The following N4BP2 variants were observed in gnomAD, a reference collection of about 807,000 sequenced individuals.
N4BP2 encodes NEDD4 binding protein 2.
In N4BP2, 91 loss-of-function variants were observed where a neutral mutation model predicts 152.8. The observed-to-expected ratio is 0.60, with a 90% CI of 0.50 to 0.71. N4BP2 has a LOEUF of 0.71. N4BP2 is among the 30% of genes least tolerant of loss of function. N4BP2 has a pLI of 0.00. For synonymous variants in N4BP2, 646 were observed against 705.3 expected (o/e 0.92, Z 1.33); for missense variants, 1,923 against 2,059.1 (o/e 0.93, Z 1.28).
chr4:40,106,422 T>C (rs1367861481), intron 4 of N4BP2, among the ~76,000 whole-genome samples: 1 of 152,232 alleles, frequency 6.6e-6, no homozygotes, highest in African/African-American at 2.4e-5. Flanking sequence ...GTTCAAGTGA[T>C]CCTCTCAACT....
At chr4:40,169,241 GCATGGTGGCACACACCTATAATCC>G in the N4BP2 span, among the ~76,000 whole-genome samples, 1 of 151,820 alleles carries the variant, frequency 6.6e-6, no homozygotes, top group Non-Finnish European at 1.5e-5. Flanking sequence ...AAAAAGCCTG[GCATGGTGGCACACACCTATAATCC>G]CAGCTACTTG....
chr4:40,154,381 A>G lies in N4BP2; in HGVS notation c.*144A>G. The G allele has an allele frequency of 3.8e-6, 2 of 522,408 alleles. No individual in the cohort carries two copies. The highest frequency in any genetic ancestry group is 6.9e-5 in the East Asian group (2 of 29,194). 32.4% of individuals were successfully genotyped at this position (522,408 alleles called of 1,614,324 possible). A position where few individuals can be genotyped will look rare whatever the true frequency, so the allele number is the denominator to read the frequency against. On this transcript the variant is annotated 3_prime_UTR_variant, in exon 18 of 18. Coordinates refer to ENST00000261435, the MANE Select transcript of N4BP2 (RefSeq NM_018177.6). ...AAACAAAAAAATTATGATGTTTTTC[A>G]AAATGCAAGTGAGGTTTGATTTTTT...
chr4:40,105,252 A>G (rs1716146968), intron 4 of N4BP2, among the ~76,000 whole-genome samples: 1 of 152,188 alleles, frequency 6.6e-6, no homozygotes, highest in Non-Finnish European at 1.5e-5. Context: ...GGGTTTAACA[A>G]GCTCTGATGA....
the N4BP2 span, among the ~76,000 whole-genome samples, chr4:40,186,777 C>A: frequency 2.0e-5 from 3 of 152,208 alleles, no homozygotes; most frequent in Non-Finnish European, 4.4e-5. Context: ...GAAAGGAAAT[C>A]ATTGCCTTCA....
At chr4:40,173,141 A>C in the N4BP2 span, among the ~76,000 whole-genome samples, 2 of 152,034 alleles carry the variant, frequency 1.3e-5, no homozygotes, top group East Asian at 3.9e-4. Context: ...TCTCTTGCGC[A>C]TCAGGCCAAC....
In N4BP2 at chr4:40,157,298, G is replaced by A. The variant is rs1315161294; in HGVS notation, c.*3061G>A. 1 of 150,944 alleles carries A rather than the reference G, an allele frequency of 6.6e-6. No individual in the cohort carries two copies. The highest frequency in any genetic ancestry group is 2.4e-5 in the African/African-American group (1 of 40,960). The allele number at this position is 150,944 out of a possible 1,614,324, so 9.4% of individuals were successfully genotyped here. On this transcript the variant is annotated 3_prime_UTR_variant, in exon 18 of 18. Coordinates refer to ENST00000261435, the MANE Select transcript of N4BP2 (RefSeq NM_018177.6). The stretch of plus-strand genomic sequence containing the variant: ...ATTGGTTAGTATTTCCATACTATTT[G>A]CAACTTTATGGCCTTTAAATATAGG...
chr4:40,185,353 T>C, the N4BP2 span, among the ~76,000 whole-genome samples: 3 of 152,156 alleles, frequency 2.0e-5, no homozygotes, highest in African/African-American at 7.2e-5. Context: ...TAAATGATAA[T>C]ATAAAAGGCT....
At chr4:40,086,516 G>A (rs1445367474) in intron 2 of N4BP2, among the ~76,000 whole-genome samples, 1 of 151,316 alleles carries the variant, frequency 6.6e-6, no homozygotes, top group African/African-American at 2.4e-5. Context: ...TTTTGTATTT[G>A]TAGTAGAGAT....
chr4:40,100,911 C>T (rs1715585644), intron 3 of N4BP2, among the ~76,000 whole-genome samples: 1 of 152,168 alleles, frequency 6.6e-6, no homozygotes, highest in Non-Finnish European at 1.5e-5. Context: ...TGGTAGTTTC[C>T]TTCAAGTTCC....
At chr4:40,076,451 A>G (rs1712740150) in intron 2 of N4BP2, among the ~76,000 whole-genome samples, 1 of 152,094 alleles carries the variant, frequency 6.6e-6, no homozygotes, top group African/African-American at 2.4e-5. Context: ...ACTCTAGCTT[A>G]GGTGACAGAG....
chr4:40,131,890 T>C lies in N4BP2; in HGVS notation c.4617T>C (p.Asn1539=). 1 of 1,612,832 alleles carries C rather than the reference T, an allele frequency of 6.2e-7. No homozygotes were observed. Among genetic ancestry groups the C allele is most frequent in the Non-Finnish European group, 8.5e-7 (1 of 1,179,056 alleles). ...AGATATTTCCAGCCATTAACCAAAA[T>C]TTTCTGGTGGACATTTTCAAGGACC... ...LFKIFPAINQ[N]FLVDIFKDHN... is the part of the protein sequence containing the mutation. Residue 1539 remains asparagine (N), a synonymous_variant, in exon 13 of 18, where the codon AAT becomes AAC. Coordinates refer to ENST00000261435, the MANE Select transcript of N4BP2 (RefSeq NM_018177.6).
At chr4:40,127,519 G>A (rs1466778158) in intron 12 of N4BP2, among the ~76,000 whole-genome samples, 2 of 151,960 alleles carry the variant, frequency 1.3e-5, no homozygotes, top group Non-Finnish European at 2.9e-5. Flanking sequence ...CCAGCCAGCT[G>A]CATCTTTTTC....
the N4BP2 span, among the ~76,000 whole-genome samples, chr4:40,187,492 TA>T: frequency 5.6e-5 from 8 of 143,316 alleles, no homozygotes; most frequent in East Asian, 2.0e-4. Context: ...AAAATTGTTC[TA>T]TTTTTTTGTA....
intron 1 of N4BP2, among the ~76,000 whole-genome samples, chr4:40,059,419 G>A (rs998777167): frequency 1.1e-4 from 17 of 152,036 alleles, no homozygotes; most frequent in Middle Eastern, 3.4e-3. Context: ...TTGAGACAGA[G>A]CCTCACTCTG....
At position 40,157,838 on chromosome 4, in the gene N4BP2, G is replaced by A. The variant is rs939640266; in HGVS notation, c.*3601G>A. ...TTTTAAAATGTAATTCAAGTTTACA[G>A]TATTACTTAATGCTTCTTTACAGAA... On this transcript the variant is annotated 3_prime_UTR_variant, in exon 18 of 18. Coordinates refer to ENST00000261435, the MANE Select transcript of N4BP2 (RefSeq NM_018177.6). 1.4e-4 allele frequency: 22 copies of A among 152,184 alleles called. No individual in the cohort carries two copies. Among genetic ancestry groups the A allele is most frequent in the Non-Finnish European group, 1.8e-4 (12 of 68,016 alleles). 9.4% of individuals were successfully genotyped at this position (152,184 alleles called of 1,614,324 possible). A position where few individuals can be genotyped will look rare whatever the true frequency, so the allele number is the denominator to read the frequency against.
chr4:40,112,200 A>C, intron 6 of N4BP2, 28 bp downstream of exon 6: 1 of 1,286,270 alleles, frequency 7.8e-7, no homozygotes, highest in Admixed American at 2.1e-5. Flanking sequence ...TCATAAGTTT[A>C]TAACAGTTTG....
At chr4:40,151,089 C>T (rs776062358) in intron 16 of N4BP2, among the ~76,000 whole-genome samples, 5 of 152,180 alleles carry the variant, frequency 3.3e-5, no homozygotes, top group Non-Finnish European at 7.4e-5. Context: ...ATATACATTA[C>T]TTCATGCAAC....
intron 2 of N4BP2, among the ~76,000 whole-genome samples, chr4:40,095,205 T>A (rs1049061391): frequency 1.3e-5 from 2 of 152,076 alleles, no homozygotes; most frequent in African/African-American, 4.8e-5. Context: ...TTCAGCCTCC[T>A]GAGTAGCTGG....
rs1721262145 is a variant in N4BP2 at position 40,152,826 on chromosome 4, G to T, written c.5190G>T (p.Gly1730=). The T allele has an allele frequency of 6.2e-7, 1 of 1,614,022 alleles. No individual in the cohort carries two copies. The highest frequency in any genetic ancestry group is 2.2e-5 in the East Asian group (1 of 44,872). The change falls in exon 17 of 18, where the codon GGG becomes GGT. Residue 1730 remains glycine, a synonymous_variant. Transcript: ENST00000261435. ...GGKPYLSVIT[G]RGNHSQGGVA... is the part of the protein sequence containing the mutation. ...AGCCCTATTTGTCTGTGATTACGGG[G>T]AGAGGAAACCACAGCCAGGGAGGAG...
Sources: allele counts gnomAD v4.1 joint callset (sites outside exome capture counted in the v4.1 genomes callset), GRCh38; gene constraint gnomAD v4.1.1; transcripts MANE v1.5; gene names NCBI Gene and HGNC (gene_info 2026-07-23, HGNC 2026-07-21).